KPNA6: variants seen among roughly 807,000 people sequenced by gnomAD.
KPNA6 encodes karyopherin subunit alpha 6.
Under a neutral mutation model 72.0 loss-of-function variants are expected in KPNA6, and 9 were observed. The observed-to-expected ratio is 0.13, with a 90% CI of 0.08 to 0.22. The LOEUF (loss-of-function observed/expected upper bound fraction) is 0.22. Ranked by LOEUF, KPNA6 falls within the 10% of genes least tolerant of loss-of-function variation. The pLI, the probability that KPNA6 is intolerant of heterozygous loss-of-function variation, is 1.00. For synonymous variants in KPNA6, 219 were observed against 242.1 expected, an observed-to-expected ratio of 0.90 and a Z score of 0.89; for missense variants, 374 against 655.7, an observed-to-expected ratio of 0.57 and a Z score of 4.69.
intron 1 of KPNA6, among the ~76,000 whole-genome samples, chr1:32,129,436 T>C (rs1004552595): frequency 1.3e-5 from 2 of 152,098 alleles, no homozygotes; most frequent in African/African-American, 4.8e-5. Context: ...TTGTTTTTGT[T>C]TTTCCTTTGA....
Position 32,125,979 on chromosome 1 carries a change from T to TAAAA in KPNA6, c.4+17864_4+17867dup, listed in dbSNP as rs75504815. ...AAATGTGTTTTGAGACTATATTTAC[T>TAAAA]AAAAAAAAAAAAAAAAAAAAAACCT... On this transcript the variant is annotated intron_variant, in intron 1 of 13. Coordinates refer to ENST00000373625, the MANE Select transcript of KPNA6 (RefSeq NM_012316.5). 3.3e-3 allele frequency among the ~76,000 whole-genome samples: 325 copies of TAAAA among 98,950 alleles called. 1 individual carries two copies. Among genetic ancestry groups the TAAAA allele is most frequent in the African/African-American group, 0.012 (304 of 26,426 alleles). 64.9% of individuals were successfully genotyped at this position (98,950 alleles called of 152,430 possible).
chr1:32,126,965 T>A (rs1641548140), intron 1 of KPNA6, among the ~76,000 whole-genome samples: 1 of 152,104 alleles, frequency 6.6e-6, no homozygotes, highest in Admixed American at 6.6e-5. Flanking sequence ...AAAATTTCCC[T>A]TATAAGGAAT....
intron 1 of KPNA6, among the ~76,000 whole-genome samples, chr1:32,120,734 T>G (rs1641417837): frequency 6.6e-6 from 1 of 151,288 alleles, no homozygotes; most frequent in Non-Finnish European, 1.5e-5. Context: ...ACTCGGTTAA[T>G]TTTTTGTATC....
chr1:32,142,852 C>A, intron 1 of KPNA6: 1 of 896,702 alleles, frequency 1.1e-6, no homozygotes, highest in Non-Finnish European at 1.5e-6. Flanking sequence ...TCTAACCTCC[C>A]TTGTCTGCTT....
At chr1:32,109,683 G>A (rs60687420) in intron 1 of KPNA6, among the ~76,000 whole-genome samples, 12,212 of 144,570 alleles carry the variant, frequency 0.084, 738 homozygotes, top group South Asian at 0.26. Flanking sequence ...TGGCTCTGTT[G>A]CCCAGGCTGG....
Position 32,166,206 on chromosome 1 carries a change from T to C in KPNA6, c.1092T>C (p.Thr364=), listed in dbSNP as rs1642335052. ...KEACWTISNI[T]AGNRAQIQAV... ...CTTGCTGGACTATTTCAAATATTAC[T>C]GCTGGCAACAGGGCTCAAATACAGG... Residue 364 remains threonine, a synonymous_variant, in exon 11 of 14, where the codon ACT becomes ACC. Transcript: ENST00000373625. 6.2e-7 allele frequency: 1 copy of C among 1,614,046 alleles called. No individual in the cohort carries two copies. Among genetic ancestry groups the C allele is most frequent in the Non-Finnish European group, 8.5e-7 (1 of 1,179,988 alleles).
intron 1 of KPNA6, among the ~76,000 whole-genome samples, chr1:32,142,622 G>A (rs1641859586): frequency 6.6e-6 from 1 of 152,216 alleles, no homozygotes; most frequent in Admixed American, 6.5e-5. Context: ...CCCTAGAAAT[G>A]AAAGGTGTGA....
intron 3 of KPNA6, 42 bp from the exon 4 acceptor site, chr1:32,157,303 CT>C (rs1262769778): frequency 1.4e-6 from 2 of 1,479,630 alleles, no homozygotes; most frequent in African/African-American, 2.8e-5. Context: ...ACATCTGGCT[CT>C]AATGTTGGTT....
At chr1:32,131,532 T>G (rs1453255428) in intron 1 of KPNA6, among the ~76,000 whole-genome samples, 1 of 151,950 alleles carries the variant, frequency 6.6e-6, no homozygotes, top group Non-Finnish European at 1.5e-5. Context: ...AAAAAGACAC[T>G]GAAAACACAT....
rs772091470 is a variant in KPNA6, at chr1:32,169,902, G to T, written c.1265G>T (p.Cys422Phe). The T allele has an allele frequency of 1.9e-6, 3 of 1,614,006 alleles. No individual in the cohort carries two copies. The change falls in exon 13 of 14, where the codon TGC becomes TTC. Residue 422 changes from cysteine (C) to phenylalanine (F), a missense_variant. Cys to Phe is a radical substitution (Grantham distance 205). Transcript: ENST00000373625. ...CCTAGGTACCTGGTCTCACTGGGCT[G>T]CATCAAACCCCTATGTGACTTGCTG... The part of the protein sequence containing the change: ...EQIRYLVSLG[C>F]IKPLCDLLTV...
intron 10 of KPNA6, among the ~76,000 whole-genome samples, chr1:32,165,339 T>G (rs1182956127): frequency 1.3e-5 from 2 of 152,136 alleles, no homozygotes; most frequent in Non-Finnish European, 2.9e-5. Context: ...TGCATACCAC[T>G]GTGCCCAGCT....
At chr1:32,135,254 G>A (rs966599423) in intron 1 of KPNA6, among the ~76,000 whole-genome samples, 7 of 152,078 alleles carry the variant, frequency 4.6e-5, no homozygotes, top group Non-Finnish European at 5.9e-5. Flanking sequence ...TTTAGTAGAG[G>A]TGGGGTTTCT....
At position 32,173,150 on chromosome 1, in the gene KPNA6, T is replaced by TA; in HGVS notation, c.*2262dup. On this transcript the variant is annotated 3_prime_UTR_variant, in exon 14 of 14. Coordinates refer to ENST00000373625, the MANE Select transcript of KPNA6 (RefSeq NM_012316.5). Reference sequence around the variant, plus strand: ...TTTTCACTTGGCCTGCTACCTCCATTAAAAAACCATTCTCTTACAGTTTAA... The same window carrying TA: ...TTTTCACTTGGCCTGCTACCTCCATTAAAAAAACCATTCTCTTACAGTTTAA... 2.8e-6 allele frequency: 1 copy of TA among 360,554 alleles called. No individual in the cohort carries two copies. Among genetic ancestry groups the TA allele is most frequent in the Non-Finnish European group, 4.7e-6 (1 of 214,618 alleles). 22.3% of individuals were successfully genotyped at this position (360,554 alleles called of 1,614,324 possible).
intron 1 of KPNA6, among the ~76,000 whole-genome samples, chr1:32,152,838 C>CTG (rs1454482562): frequency 6.6e-6 from 1 of 150,736 alleles, no homozygotes; most frequent in Admixed American, 6.6e-5. Context: ...GAGGGAGACT[C>CTG]TGTCTAAAAA....
intron 1 of KPNA6, among the ~76,000 whole-genome samples, chr1:32,140,530 TATG>T (rs1291712221): frequency 2.6e-5 from 4 of 152,184 alleles, no homozygotes; most frequent in African/African-American, 4.8e-5. Context: ...ATAAAACTAA[TATG>T]ATGTTAAAAA....
intron 2 of KPNA6, among the ~76,000 whole-genome samples, chr1:32,155,700 ATTATTAT>A (rs1367015615): frequency 6.7e-6 from 1 of 148,204 alleles, no homozygotes; most frequent in African/African-American, 2.5e-5. Flanking sequence ...TCACCTGATT[ATTATTAT>A]TTATTTATTT....
intron 1 of KPNA6, among the ~76,000 whole-genome samples, chr1:32,149,404 A>G (rs1424184897): frequency 6.6e-6 from 1 of 152,066 alleles, no homozygotes; most frequent in East Asian, 1.9e-4. Flanking sequence ...AAAATTATTT[A>G]AAATAGAAAC....
intron 2 of KPNA6, 53 bp downstream of exon 2, chr1:32,154,774 T>C (rs1642106699): frequency 6.2e-7 from 1 of 1,600,422 alleles, no homozygotes; most frequent in Non-Finnish European, 8.5e-7. Flanking sequence ...CAAGCCCCTA[T>C]GGTTGGCCTC....
intron 1 of KPNA6, among the ~76,000 whole-genome samples, chr1:32,145,150 G>T (rs1641908324): frequency 6.6e-6 from 1 of 151,232 alleles, no homozygotes; most frequent in East Asian, 1.9e-4. Flanking sequence ...TAGTAGAGGC[G>T]GGGTTTCACT....
Sources: allele counts gnomAD v4.1 joint callset (sites outside exome capture counted in the v4.1 genomes callset), GRCh38; gene constraint gnomAD v4.1.1; transcripts MANE v1.5; gene names NCBI Gene and HGNC (gene_info 2026-07-23, HGNC 2026-07-21).